The following FBXL7 variants were observed in gnomAD, a reference collection of about 807,000 sequenced individuals.
The protein encoded by FBXL7 is F-box and leucine rich repeat protein 7.
Under a neutral mutation model 38.3 loss-of-function variants are expected in FBXL7, and 12 were observed. The ratio of observed to expected loss-of-function variants is 0.31; its 90% CI spans 0.20 to 0.51. FBXL7 has a LOEUF of 0.51. FBXL7 is among the 20% of genes least tolerant of loss of function. The probability of loss-of-function intolerance (pLI) is 0.98; values close to 1 mark genes in which losing one functional copy is unlikely to be tolerated. For synonymous variants in FBXL7, 297 were observed against 300.9 expected (o/e 0.99, Z 0.13); for missense variants, 567 against 676.4 (o/e 0.84, Z 1.79).
intron 1 of FBXL7, among the ~76,000 whole-genome samples, chr5:15,578,496 C>T (rs1346435315): frequency 1.3e-5 from 2 of 152,086 alleles, no homozygotes; most frequent in African/African-American, 4.8e-5. Context: ...TTCTGAATTT[C>T]CTTAGAGAAA....
chr5:15,512,586 T>C (rs576719320), intron 1 of FBXL7, among the ~76,000 whole-genome samples: 2 of 152,342 alleles, frequency 1.3e-5, no homozygotes, highest in African/African-American at 4.8e-5. Flanking sequence ...ACATATGTCT[T>C]TTTCTGAGGA....
chr5:15,569,667 C>T lies in FBXL7; in HGVS notation c.38-46316C>T, dbSNP rs1333383212. ...TGAGAGAGGGCATCCCTGTCTTGTG[C>T]CAGTTTTCAAAGGGAATGCTTCCAG... is the stretch of plus-strand genomic sequence containing the variant. On this transcript the variant is annotated intron_variant, in intron 1 of 3. Transcript: ENST00000504595. 2.6e-5 allele frequency among the ~76,000 whole-genome samples: 4 copies of T among 152,034 alleles called. No individual in the cohort carries two copies. In the East Asian group the frequency reaches 5.8e-4, roughly 22 times the overall value.
intron 2 of FBXL7, among the ~76,000 whole-genome samples, chr5:15,806,924 A>G (rs1029029092): frequency 6.6e-6 from 1 of 152,136 alleles, no homozygotes; most frequent in African/African-American, 2.4e-5. Context: ...TCTGAAATCT[A>G]TGGTACAATT....
chr5:15,852,319 G>A (rs1739121664), intron 2 of FBXL7, among the ~76,000 whole-genome samples: 1 of 152,178 alleles, frequency 6.6e-6, no homozygotes, highest in Admixed American at 6.5e-5. Context: ...ACGCAGAGAA[G>A]GAAGAGAGTA....
At chr5:15,817,108 C>G (rs554101544) in intron 2 of FBXL7, among the ~76,000 whole-genome samples, 1 of 152,302 alleles carries the variant, frequency 6.6e-6, no homozygotes, top group East Asian at 1.9e-4. Flanking sequence ...ATCGTTTACT[C>G]TGACTGAACC....
At chr5:15,734,932 T>G (rs1347595890) in intron 2 of FBXL7, among the ~76,000 whole-genome samples, 1 of 152,124 alleles carries the variant, frequency 6.6e-6, no homozygotes, top group Non-Finnish European at 1.5e-5. Flanking sequence ...CTCTGAAGTT[T>G]ATTTATTTAT....
chr5:15,543,070 T>A (rs1205006150), intron 1 of FBXL7, among the ~76,000 whole-genome samples: 1 of 152,218 alleles, frequency 6.6e-6, no homozygotes, highest in African/African-American at 2.4e-5. Flanking sequence ...GGAGTTGTCC[T>A]TGGAAGAAAG....
At chr5:15,658,643 G>T (rs1741956801) in intron 2 of FBXL7, among the ~76,000 whole-genome samples, 1 of 152,064 alleles carries the variant, frequency 6.6e-6, no homozygotes, top group African/African-American at 2.4e-5. Flanking sequence ...CTTTTTAAGG[G>T]CTTACAACTC....
chr5:15,934,804 A>G (rs1224774841), intron 3 of FBXL7, among the ~76,000 whole-genome samples: 1 of 152,196 alleles, frequency 6.6e-6, no homozygotes, highest in Admixed American at 6.5e-5. Context: ...TCATTCATTC[A>G]ACAGATACTT....
intron 2 of FBXL7, among the ~76,000 whole-genome samples, chr5:15,692,501 T>C (rs901959162): frequency 1.3e-5 from 2 of 152,182 alleles, no homozygotes; most frequent in Non-Finnish European, 2.9e-5. Context: ...AGTTTTTCTC[T>C]TAGATGAATG....
At chr5:15,875,478 G>C (rs1449616669) in intron 2 of FBXL7, among the ~76,000 whole-genome samples, 1 of 152,102 alleles carries the variant, frequency 6.6e-6, no homozygotes, top group African/African-American at 2.4e-5. Flanking sequence ...CCTACAGAAT[G>C]GGAGAAAATT....
intron 2 of FBXL7, among the ~76,000 whole-genome samples, chr5:15,630,603 A>T (rs547915465): frequency 3.9e-5 from 6 of 152,212 alleles, no homozygotes; most frequent in Non-Finnish European, 7.4e-5. Flanking sequence ...CCTAGAAACA[A>T]CCTTGGCTTC....
intron 2 of FBXL7, among the ~76,000 whole-genome samples, chr5:15,899,304 G>A (rs1741179247): frequency 6.6e-6 from 1 of 152,144 alleles, no homozygotes; most frequent in Non-Finnish European, 1.5e-5. Context: ...AACCTCAGGT[G>A]ATCCGCCTGC....
intron 2 of FBXL7, among the ~76,000 whole-genome samples, chr5:15,811,164 T>G (rs407717): frequency 6.6e-6 from 1 of 151,972 alleles, no homozygotes; most frequent in Non-Finnish European, 1.5e-5. Context: ...TCCACCCTTT[T>G]CTATGATTAT....
intron 2 of FBXL7, among the ~76,000 whole-genome samples, chr5:15,687,868 G>A (rs752000825): frequency 9.2e-5 from 14 of 152,224 alleles, no homozygotes; most frequent in Non-Finnish European, 1.9e-4. Context: ...AAACTAGCAT[G>A]TGCATTGAGG....
In FBXL7 at chr5:15,928,041, G is replaced by T; in HGVS notation, c.279G>T (p.Pro93=). The change falls in exon 3 of 4, where the codon CCG becomes CCT. Residue 93 remains proline (P), a synonymous_variant. Coordinates refer to ENST00000504595, the MANE Select transcript of FBXL7 (RefSeq NM_012304.5). The surrounding 1 kb of genome is among the most constrained non-coding windows in gnomAD (Gnocchi z 4.0). ...ETVAMVHSPP[P]TRLTHPLIRL... is the part of the protein sequence containing the mutation. Reference sequence around the variant, plus strand: ...TGGCCATGGTGCACTCCCCGCCCCCGACCCGCCTCACACACCCGCTCATCC... The same window carrying T: ...TGGCCATGGTGCACTCCCCGCCCCCTACCCGCCTCACACACCCGCTCATCC... The T allele has an allele frequency of 7.0e-7, 1 of 1,436,842 alleles. No homozygotes were observed. The highest frequency in any genetic ancestry group is 1.6e-5 in the South Asian group (1 of 62,826). 89.0% of individuals were successfully genotyped at this position (1,436,842 alleles called of 1,614,324 possible).
chr5:15,818,703 C>CATGT (rs1738084268), intron 2 of FBXL7, among the ~76,000 whole-genome samples: 1 of 116,768 alleles, frequency 8.6e-6, no homozygotes, highest in Admixed American at 8.4e-5. Context: ...CCCATTATTT[C>CATGT]GTGTGTGTGT....
At chr5:15,623,915 A>T (rs1298399514) in intron 2 of FBXL7, among the ~76,000 whole-genome samples, 2 of 152,216 alleles carry the variant, frequency 1.3e-5, no homozygotes, top group Non-Finnish European at 1.5e-5. Flanking sequence ...ATGTAAAATT[A>T]GTAGGTGGCA....
At chr5:15,557,709 G>T (rs1738288972) in intron 1 of FBXL7, among the ~76,000 whole-genome samples, 1 of 152,212 alleles carries the variant, frequency 6.6e-6, no homozygotes, top group African/African-American at 2.4e-5. Flanking sequence ...GCCTAGTGGA[G>T]CAGGCTCTTG....
Sources: gnomAD v4.1 joint callset for allele counts (sites outside exome capture counted in the v4.1 genomes callset) on GRCh38, gnomAD v4.1.1 for gene constraint, Gnocchi (gnomAD v3.1) non-coding constraint, MANE v1.5 for transcripts, NCBI Gene and HGNC (gene_info 2026-07-23, HGNC 2026-07-21) for gene names.